SLC30A8: variants seen among roughly 807,000 people sequenced by gnomAD.
SLC30A8 encodes the protein solute carrier family 30 member 8.
SLC30A8 carries 27 observed loss-of-function variants against 36.9 expected under a neutral mutation model. The observed-to-expected ratio is 0.73, with a 90% CI of 0.54 to 1.01. The LOEUF (loss-of-function observed/expected upper bound fraction) is 1.01. SLC30A8 is among the 50% of genes least tolerant of loss of function. The pLI is 0.00. For missense variants in SLC30A8, 439 were observed against 452.0 expected (o/e 0.97, Z 0.26); for synonymous variants, 164 against 172.4 (o/e 0.95, Z 0.38).
At chr8:117,041,124 T>C (rs181684522) in intron 2 of SLC30A8, among the ~76,000 whole-genome samples, 4 of 152,314 alleles carry the variant, frequency 2.6e-5, no homozygotes, top group Admixed American at 6.5e-5. Flanking sequence ...ACTGTTTTAT[T>C]GCCCTGAAAC....
chr8:117,136,689 C>A (rs1821376466), intron 1 of SLC30A8, among the ~76,000 whole-genome samples: 1 of 151,882 alleles, frequency 6.6e-6, no homozygotes, highest in Non-Finnish European at 1.5e-5. Flanking sequence ...GTAAGTCAGG[C>A]AGAAGTTTTG....
At chr8:117,105,266 C>A (rs1397071080) in intron 2 of SLC30A8, among the ~76,000 whole-genome samples, 1 of 152,104 alleles carries the variant, frequency 6.6e-6, no homozygotes, top group Non-Finnish European at 1.5e-5. Context: ...CTCTTCAAAG[C>A]AATCTAAGAT....
intron 2 of SLC30A8, among the ~76,000 whole-genome samples, chr8:117,069,731 G>A (rs2130796821): frequency 6.6e-6 from 1 of 152,332 alleles, no homozygotes. Context: ...TCTAGAATAT[G>A]ATGGTGTTGG....
intron 2 of SLC30A8, among the ~76,000 whole-genome samples, chr8:117,098,025 ATATAT>A (rs1189329978): frequency 1.5e-5 from 2 of 133,576 alleles, no homozygotes; most frequent in Non-Finnish European, 3.1e-5. Flanking sequence ...TTTTAAATAA[ATATAT>A]TAAATAAATA....
chr8:117,097,409 A>AT lies in SLC30A8; in HGVS notation c.-225-37871_-225-37870insT, dbSNP rs1343033195. On this transcript the variant is annotated intron_variant, in intron 2 of 10. Transcript: ENST00000427715. ...AAGACTCCATCTCAAAAAAAAAAAA[A>AT]AAAAAAAAAATATATATAAATATAT... 5.0e-4 allele frequency among the ~76,000 whole-genome samples: 63 copies of AT among 125,930 alleles called. 1 individual carries two copies. Among genetic ancestry groups the AT allele is most frequent in the African/African-American group, 1.8e-3 (59 of 32,350 alleles). The allele number at this position is 125,930 out of a possible 152,430, so 82.6% of individuals were successfully genotyped here.
chr8:117,037,520 C>T (rs1462659183), intron 1 of SLC30A8, among the ~76,000 whole-genome samples: 1 of 152,126 alleles, frequency 6.6e-6, no homozygotes, highest in African/African-American at 2.4e-5. Flanking sequence ...TCACCCACCG[C>T]TTAAGCCAGA....
chr8:117,172,320 A>C (rs774425618), intron 7 of SLC30A8, among the ~76,000 whole-genome samples: 2 of 152,142 alleles, frequency 1.3e-5, no homozygotes, highest in Non-Finnish European at 2.9e-5. Context: ...GGACAGAAAG[A>C]GTTCCCATAG....
chr8:117,099,687 G>C (rs1563596388), intron 2 of SLC30A8, among the ~76,000 whole-genome samples: 1 of 152,152 alleles, frequency 6.6e-6, no homozygotes, highest in Admixed American at 6.5e-5. Flanking sequence ...CTTTTACCTA[G>C]ATAATTATGA....
At chr8:117,100,377 TG>T (rs1275076327) in intron 2 of SLC30A8, among the ~76,000 whole-genome samples, 1 of 152,172 alleles carries the variant, frequency 6.6e-6, no homozygotes, top group Admixed American at 6.5e-5. Flanking sequence ...TTGAGCACCT[TG>T]GGGGAGGTAT....
chr8:117,157,093 T>G (rs1200636386), intron 3 of SLC30A8, among the ~76,000 whole-genome samples: 1 of 152,200 alleles, frequency 6.6e-6, no homozygotes, highest in Non-Finnish European at 1.5e-5. Flanking sequence ...TGTAAACACT[T>G]CTATTCTGAT....
chr8:117,010,564 A>G (rs1816311352), intron 1 of SLC30A8, among the ~76,000 whole-genome samples: 1 of 152,206 alleles, frequency 6.6e-6, no homozygotes, highest in South Asian at 2.1e-4. Context: ...TTATTAGTTC[A>G]TGTTTTTCTC....
At chr8:117,051,415 A>G (rs1817703177) in intron 2 of SLC30A8, among the ~76,000 whole-genome samples, 5 of 152,104 alleles carry the variant, frequency 3.3e-5, no homozygotes, top group Admixed American at 3.3e-4. Flanking sequence ...GCCTCATGGG[A>G]GATGCTTGGG....
intron 1 of SLC30A8, among the ~76,000 whole-genome samples, chr8:116,953,642 A>G (rs1376052677): frequency 1.3e-5 from 2 of 151,984 alleles, no homozygotes; most frequent in Non-Finnish European, 1.5e-5. Flanking sequence ...TATGTGGGCA[A>G]TTTTGCTTGC....
chr8:117,011,396 G>A (rs1028208910), intron 1 of SLC30A8, among the ~76,000 whole-genome samples: 1 of 152,138 alleles, frequency 6.6e-6, no homozygotes, highest in East Asian at 1.9e-4. Context: ...CTCTTATTGC[G>A]AAGTTCCTTG....
chr8:117,018,964 A>T (rs1816617779), intron 1 of SLC30A8, among the ~76,000 whole-genome samples: 1 of 151,976 alleles, frequency 6.6e-6, no homozygotes, highest in African/African-American at 2.4e-5. Context: ...CGCCCAGCCC[A>T]CCTCTTGTTT....
At chr8:117,035,930 A>G (rs1817200263) in intron 1 of SLC30A8, among the ~76,000 whole-genome samples, 1 of 152,000 alleles carries the variant, frequency 6.6e-6, no homozygotes. Flanking sequence ...GGCTGCACAG[A>G]GCAGTGTGTC....
At chr8:117,156,846 A>T (rs1207634271) in intron 3 of SLC30A8, among the ~76,000 whole-genome samples, 1 of 152,184 alleles carries the variant, frequency 6.6e-6, no homozygotes, top group Non-Finnish European at 1.5e-5. Context: ...AATGGGTAAT[A>T]ATATATTACA....
intron 2 of SLC30A8, among the ~76,000 whole-genome samples, chr8:117,066,146 A>G (rs1316565744): frequency 1.3e-5 from 2 of 152,162 alleles, no homozygotes; most frequent in African/African-American, 4.8e-5. Context: ...AAAAACAACA[A>G]TGTGAAAGAA....
chr8:117,017,518 G>A (rs1428679507), intron 1 of SLC30A8, among the ~76,000 whole-genome samples: 1 of 152,176 alleles, frequency 6.6e-6, no homozygotes, highest in Non-Finnish European at 1.5e-5. Flanking sequence ...CCCAATAGAA[G>A]CAAGGCACCA....
Sources: gnomAD v4.1 joint callset for allele counts (sites outside exome capture counted in the v4.1 genomes callset) on GRCh38, gnomAD v4.1.1 for gene constraint, MANE v1.5 for transcripts, NCBI Gene and HGNC (gene_info 2026-07-23, HGNC 2026-07-21) for gene names.